Variants in RASA2 observed in about 807,000 individuals in gnomAD.
RASA2 encodes ras GTPase-activating protein 2.
A neutral mutation model predicts 118.2 loss-of-function variants in RASA2; 155 were observed. The observed-to-expected ratio is 1.31, with a 90% confidence interval of 1.15 to 1.50. RASA2 has a LOEUF of 1.50. RASA2 is among the 40% of genes most tolerant of loss of function. RASA2 has a pLI of 0.00. For missense variants in RASA2, 1,016 were observed against 1,009.6 expected (o/e 1.01, Z -0.09); for synonymous variants, 353 against 349.1 (o/e 1.01, Z -0.12).
Position 141,580,348 on chromosome 3 carries a change from G to C in RASA2, c.1591-20G>C, listed in dbSNP as rs1462837025. 1 of 1,536,458 alleles carries C rather than the reference G, an allele frequency of 6.5e-7. No individual in the cohort carries two copies. Among genetic ancestry groups the C allele is most frequent in the East Asian group, 2.3e-5 (1 of 43,884 alleles). ...TTTTCTTGAAAACTTAGTAGTTTTG[G>C]TCTTTTTTACATTCTTTAGGATGCA... On this transcript the variant is annotated intron_variant, in intron 15 of 23. Coordinates refer to ENST00000286364, the MANE Select transcript of RASA2 (RefSeq NM_006506.5).
chr3:141,521,409 G>A (rs1468755474), intron 3 of RASA2, among the ~76,000 whole-genome samples: 1 of 152,140 alleles, frequency 6.6e-6, no homozygotes, highest in Non-Finnish European at 1.5e-5. Flanking sequence ...GAGGCTATTG[G>A]TAGTTATTAA....
chr3:141,562,653 A>AC (rs2082751822), intron 9 of RASA2, among the ~76,000 whole-genome samples: 1 of 127,460 alleles, frequency 7.8e-6, no homozygotes, highest in South Asian at 2.5e-4. Flanking sequence ...ACAACAACAC[A>AC]CAAAAAAAAA....
intron 1 of RASA2, among the ~76,000 whole-genome samples, chr3:141,489,388 T>A (rs1404008253): frequency 3.3e-5 from 5 of 152,076 alleles, no homozygotes; most frequent in Admixed American, 3.3e-4. Flanking sequence ...TTTTGTAGGG[T>A]GGGGACTGAG....
intron 5 of RASA2, among the ~76,000 whole-genome samples, chr3:141,544,918 C>A (rs1189471941): frequency 1.3e-5 from 2 of 152,112 alleles, no homozygotes; most frequent in African/African-American, 4.8e-5. Context: ...CACGTGCTCA[C>A]TTATAGTGGG....
Position 141,608,622 on chromosome 3 carries a change from C to A in RASA2, c.2150C>A (p.Ser717Tyr). The change falls in exon 21 of 24, where the codon TCT becomes TAT. Residue 717 changes from serine (S) to tyrosine (Y), a missense_variant. Physicochemically the swap from Ser to Tyr is moderately radical, Grantham distance 144. Around this residue, in one of 2 missense-constraint regions of RASA2, gnomAD observed 120 missense variants for 173.2 expected, o/e 0.69. Transcript: ENST00000286364. The part of the protein sequence containing the change: ...NQNRLSFYHP[S>Y]VYLNGNWLCC... ...AACAGGCTCAGTTTTTATCATCCCT[C>A]TGTGTATCTGAACGGAAATTGGCTC... 1 of 1,614,030 alleles carries A rather than the reference C, an allele frequency of 6.2e-7. No homozygotes were observed. The highest frequency in any genetic ancestry group is 8.5e-7 in the Non-Finnish European group (1 of 1,179,932).
At chr3:141,491,135 T>G (rs1166618636) in intron 1 of RASA2, among the ~76,000 whole-genome samples, 1 of 152,254 alleles carries the variant, frequency 6.6e-6, no homozygotes, top group Non-Finnish European at 1.5e-5. Flanking sequence ...TCACTTATCT[T>G]GAAGCTTACC....
intron 7 of RASA2, among the ~76,000 whole-genome samples, chr3:141,558,163 GGTAAT>G (rs2082676270): frequency 6.6e-6 from 1 of 152,152 alleles, no homozygotes; most frequent in East Asian, 1.9e-4. Flanking sequence ...TTTAAGTGAG[GGTAAT>G]AAATCTAGCC....
chr3:141,497,509 T>G (rs779999807), intron 1 of RASA2, among the ~76,000 whole-genome samples: 1 of 152,164 alleles, frequency 6.6e-6, no homozygotes, highest in Non-Finnish European at 1.5e-5. Flanking sequence ...ACAAGAGTAA[T>G]CAAATGTTAG....
chr3:141,538,679 T>C (rs1333286984), intron 4 of RASA2, among the ~76,000 whole-genome samples: 2 of 152,176 alleles, frequency 1.3e-5, no homozygotes, highest in Non-Finnish European at 2.9e-5. Flanking sequence ...TAACAGTATG[T>C]GTTTTGTGTC....
chr3:141,513,649 G>C (rs1055481488), intron 2 of RASA2, among the ~76,000 whole-genome samples: 2 of 152,158 alleles, frequency 1.3e-5, no homozygotes, highest in African/African-American at 2.4e-5. Context: ...TAAAAGTTTA[G>C]TTTGGTTACA....
intron 9 of RASA2, 103 bp downstream of exon 9, chr3:141,560,098 G>T (rs2082709797): frequency 1.1e-6 from 1 of 878,664 alleles, no homozygotes; most frequent in Non-Finnish European, 1.7e-6. Context: ...AATTTGCCAT[G>T]TAATAAGCTA....
At chr3:141,611,194 A>C (rs2083646325) in intron 23 of RASA2, among the ~76,000 whole-genome samples, 1 of 152,232 alleles carries the variant, frequency 6.6e-6, no homozygotes, top group East Asian at 1.9e-4. Flanking sequence ...TTAATTCAGC[A>C]GCTCAGCACT....
chr3:141,512,992 G>A (rs1011727634), intron 2 of RASA2, among the ~76,000 whole-genome samples: 14 of 151,720 alleles, frequency 9.2e-5, no homozygotes, highest in African/African-American at 3.1e-4. Context: ...GAACCCAGGG[G>A]TCGGAGGTTG....
intron 1 of RASA2, among the ~76,000 whole-genome samples, chr3:141,490,718 A>G (rs150400174): frequency 2.8e-4 from 43 of 152,322 alleles, no homozygotes; most frequent in African/African-American, 9.4e-4. Flanking sequence ...TCTATAGGGT[A>G]TGGTTAAGTG....
rs1359870438 is a variant in RASA2 at position 141,586,090 on chromosome 3, G to T, written c.1818G>T (p.Leu606=). The change falls in exon 18 of 24, where the codon CTG becomes CTT. Residue 606 remains leucine (L), a synonymous_variant. Transcript: ENST00000286364. ...ESSGTSEPVH[L]KEGEMYKRAQ... ...GTGGTACGAGTGAGCCTGTGCACCT[G>T]AAAGAAGGGTAATTTAATCAAATTA... 6.2e-7 allele frequency: 1 copy of T among 1,602,268 alleles called. No homozygotes were observed.
Position 141,580,557 on chromosome 3 carries a change from C to G in RASA2, c.1674+106C>G. The G allele has an allele frequency of 8.2e-6, 3 of 367,678 alleles. No individual in the cohort carries two copies. The South Asian group carries it at 1.3e-4, about 17-fold the overall frequency. 22.8% of individuals were successfully genotyped at this position (367,678 alleles called of 1,614,324 possible). On this transcript the variant is annotated intron_variant, in intron 16 of 23. Transcript: ENST00000286364. ...TCTTCCAAATTAAAAACAAAACATA[C>G]ACACACACACACACACACACAGACA...
At chr3:141,597,107 A>G (rs745379695) in intron 19 of RASA2, among the ~76,000 whole-genome samples, 2 of 152,176 alleles carry the variant, frequency 1.3e-5, no homozygotes, top group African/African-American at 4.8e-5. Context: ...ATAGAACACT[A>G]TTAGCAATAC....
At chr3:141,574,194 A>ATT in intron 14 of RASA2, 127 bp downstream of exon 14, 1 of 621,542 alleles carries the variant, frequency 1.6e-6, no homozygotes, top group Non-Finnish European at 2.1e-6. Flanking sequence ...ATTTTATTTT[A>ATT]TTTTATTTTT....
At chr3:141,504,965 T>C (rs901025055) in intron 1 of RASA2, among the ~76,000 whole-genome samples, 9 of 152,140 alleles carry the variant, frequency 5.9e-5, no homozygotes, top group Non-Finnish European at 8.8e-5. Flanking sequence ...TCCCCAGATA[T>C]CTGTATGGCT....
Sources: gnomAD v4.1 joint callset for allele counts (sites outside exome capture counted in the v4.1 genomes callset) on GRCh38, gnomAD v4.1.1 for gene constraint, gnomAD v4.1.1 regional missense constraint, MANE v1.5 for transcripts, NCBI Gene and HGNC (gene_info 2026-07-23, HGNC 2026-07-21) for gene names.